Variants in WWC2 observed in about 807,000 individuals in gnomAD.
The protein encoded by WWC2 is WW and C2 domain containing 2.
Under a neutral mutation model 138.5 loss-of-function variants are expected in WWC2, and 101 were observed. The ratio of observed to expected loss-of-function variants is 0.73; its 90% CI spans 0.62 to 0.86. WWC2 has a LOEUF of 0.86. Among genes scored for constraint, WWC2 ranks in the 40% least tolerant of loss-of-function variants. The pLI is 0.00. For missense variants in WWC2, 1,420 were observed against 1,419.4 expected, an observed-to-expected ratio of 1.00 and a Z score of -0.01; for synonymous variants, 558 against 538.4, an observed-to-expected ratio of 1.04 and a Z score of -0.50.
chr4:183,110,675 G>T (rs1225616632), intron 1 of WWC2, among the ~76,000 whole-genome samples: 1 of 152,170 alleles, frequency 6.6e-6, no homozygotes, highest in Non-Finnish European at 1.5e-5. Flanking sequence ...AGGAGTGGAG[G>T]TAGGAAATTT....
At chr4:183,260,542 A>C (rs1477540484) in intron 10 of WWC2, among the ~76,000 whole-genome samples, 2 of 152,212 alleles carry the variant, frequency 1.3e-5, no homozygotes. Context: ...TAGATACACA[A>C]ATACTACCAT....
rs73872917 is a variant in WWC2, at chr4:183,100,408, T to A, written c.131+786T>A. On this transcript the variant is annotated intron_variant, in intron 1 of 22. Transcript: ENST00000403733. ...AACTGAAGGTTCACAAATGTTTCTG[T>A]GTCCCATATTTTTTTTACCCTTAAA... is the stretch of plus-strand genomic sequence containing the variant. Among the ~76,000 whole-genome samples, 308 of 152,376 alleles carry A rather than the reference T, an allele frequency of 2.0e-3. 1 individual carries two copies. The highest frequency in any genetic ancestry group is 7.0e-3 in the African/African-American group (292 of 41,592).
chr4:183,268,257 A>G (rs1737571890), intron 14 of WWC2, among the ~76,000 whole-genome samples: 1 of 152,204 alleles, frequency 6.6e-6, no homozygotes, highest in South Asian at 2.1e-4. Flanking sequence ...AAGTTACCTC[A>G]CGCTCTTTCT....
chr4:183,137,502 G>A (rs1433823263), intron 1 of WWC2, among the ~76,000 whole-genome samples: 1 of 151,358 alleles, frequency 6.6e-6, no homozygotes, highest in Non-Finnish European at 1.5e-5. Context: ...CAGCTTCTTT[G>A]GAATTTTTTT....
Position 183,271,373 on chromosome 4 carries a change from C to G in WWC2, c.2562+132C>G, listed in dbSNP as rs1281684649. 3 of 691,830 alleles carry G rather than the reference C, an allele frequency of 4.3e-6. No individual in the cohort carries two copies. In the African/African-American group the frequency reaches 5.6e-5, roughly 13 times the overall value. The allele number at this position is 691,830 out of a possible 1,614,324, so 42.9% of individuals were successfully genotyped here. A position where few individuals can be genotyped will look rare whatever the true frequency, so the allele number is the denominator to read the frequency against. The stretch of plus-strand genomic sequence containing the variant: ...TATCACTTTCACTGTCCTTCCTTTT[C>G]TCCTTTCACAACTTTGATTTTCCCA... On this transcript the variant is annotated intron_variant, in intron 16 of 22. Transcript: ENST00000403733.
chr4:183,169,819 C>T (rs1306290319), intron 1 of WWC2, among the ~76,000 whole-genome samples: 3 of 152,098 alleles, frequency 2.0e-5, no homozygotes. Flanking sequence ...CACTAAATTT[C>T]TAATAATTAT....
intron 11 of WWC2, 119 bp from the exon 12 acceptor site, chr4:183,264,859 C>A: frequency 9.0e-7 from 1 of 1,106,942 alleles, no homozygotes; most frequent in Non-Finnish European, 1.2e-6. Flanking sequence ...TATTAACATC[C>A]TTGACTCCCA....
At chr4:183,295,837 C>T (rs1738615850) in intron 21 of WWC2, among the ~76,000 whole-genome samples, 1 of 152,106 alleles carries the variant, frequency 6.6e-6, no homozygotes, top group Admixed American at 6.5e-5. Context: ...TATCTACCGA[C>T]CTATCATTCT....
At chr4:183,166,151 C>A (rs971872250) in intron 1 of WWC2, among the ~76,000 whole-genome samples, 3 of 152,072 alleles carry the variant, frequency 2.0e-5, no homozygotes, top group Non-Finnish European at 4.4e-5. Context: ...TACTCCCTCC[C>A]CCAGATATAG....
At chr4:183,247,299 T>C (rs554859830) in intron 6 of WWC2, among the ~76,000 whole-genome samples, 86 of 152,000 alleles carry the variant, frequency 5.7e-4, no homozygotes, top group African/African-American at 2.0e-3. Context: ...TTTAAAAAAA[T>C]ACTAGTAACA....
intron 14 of WWC2, 128 bp downstream of exon 14, chr4:183,266,079 A>G (rs1245046082): frequency 2.5e-6 from 2 of 802,328 alleles, no homozygotes; most frequent in South Asian, 3.6e-5. Flanking sequence ...GATCATGTCT[A>G]AATGAATGGC....
At chr4:183,113,752 G>A (rs1051333451) in intron 1 of WWC2, among the ~76,000 whole-genome samples, 2 of 151,638 alleles carry the variant, frequency 1.3e-5, no homozygotes, top group Non-Finnish European at 2.9e-5. Flanking sequence ...CTACTCTATG[G>A]AGAAGGAATT....
At chr4:183,247,630 C>CTATATATAG (rs1560864753) in intron 6 of WWC2, among the ~76,000 whole-genome samples, 1 of 127,510 alleles carries the variant, frequency 7.8e-6, no homozygotes, top group African/African-American at 3.0e-5. Context: ...ATACTATATA[C>CTATATATAG]TATATATACT....
chr4:183,293,024 C>T (rs548379518), intron 21 of WWC2, among the ~76,000 whole-genome samples: 4 of 152,336 alleles, frequency 2.6e-5, no homozygotes, highest in South Asian at 2.1e-4. Context: ...GGCACGATCT[C>T]GGCTCACTGC....
At chr4:183,228,460 G>A (rs1008335302) in intron 4 of WWC2, among the ~76,000 whole-genome samples, 1 of 152,062 alleles carries the variant, frequency 6.6e-6, no homozygotes, top group African/African-American at 2.4e-5. Flanking sequence ...CTATATTGGG[G>A]TGGGGAAAAA....
chr4:183,285,297 G>A (rs189192589), intron 19 of WWC2, among the ~76,000 whole-genome samples: 2 of 152,310 alleles, frequency 1.3e-5, no homozygotes, highest in East Asian at 3.9e-4. Context: ...GAGCGTTCTA[G>A]ATAGCACAGA....
At position 183,278,249 on chromosome 4, in the gene WWC2, T is replaced by G. The variant is rs1185890256; in HGVS notation, c.2563-2527T>G. On this transcript the variant is annotated intron_variant, in intron 16 of 22. Transcript: ENST00000403733. ...TTAAATAGGGAATCCTTTCCCCATT[T>G]CTTGTTTTTCTCAGGTTTGTCAAAG... 3.9e-3 allele frequency among the ~76,000 whole-genome samples: 594 copies of G among 152,170 alleles called. 1 individual carries two copies. The highest frequency in any genetic ancestry group is 5.0e-3 in the Non-Finnish European group (339 of 67,980).
intron 19 of WWC2, among the ~76,000 whole-genome samples, chr4:183,285,284 C>T (rs897866077): frequency 3.3e-5 from 5 of 152,082 alleles, no homozygotes; most frequent in Non-Finnish European, 7.4e-5. Context: ...CTATCTGGGC[C>T]GAGAGCGTTC....
chr4:183,173,048 C>T (rs1319280326), intron 1 of WWC2, among the ~76,000 whole-genome samples: 2 of 151,900 alleles, frequency 1.3e-5, no homozygotes, highest in Non-Finnish European at 2.9e-5. Context: ...CTCCCCTCTC[C>T]TCCCCTCCTC....
Sources: gnomAD v4.1 joint callset for allele counts (sites outside exome capture counted in the v4.1 genomes callset) on GRCh38, gnomAD v4.1.1 for gene constraint, MANE v1.5 for transcripts, NCBI Gene and HGNC (gene_info 2026-07-23, HGNC 2026-07-21) for gene names.